KCNQ3: variants seen among roughly 807,000 people sequenced by gnomAD.
KCNQ3 encodes the protein potassium voltage-gated channel subfamily KQT member 3.
KCNQ3 carries 30 observed loss-of-function variants against 92.5 expected under a neutral mutation model. The ratio of observed to expected loss-of-function variants is 0.32; its 90% confidence interval spans 0.24 to 0.44. The LOEUF is 0.44. Among genes scored for constraint, KCNQ3 ranks in the 20% least tolerant of loss-of-function variants. The pLI, the probability that KCNQ3 is intolerant of heterozygous loss-of-function variation, is 1.00. For missense variants in KCNQ3, 913 were observed against 1,140.3 expected (o/e 0.80, Z 2.87); for synonymous variants, 450 against 468.8 (o/e 0.96, Z 0.52).
At chr8:132,416,495 C>T (rs1820812117) in intron 1 of KCNQ3, among the ~76,000 whole-genome samples, 1 of 152,076 alleles carries the variant, frequency 6.6e-6, no homozygotes, top group Non-Finnish European at 1.5e-5. Context: ...TGGCGGGCAC[C>T]CATAATCCCA....
At chr8:132,133,157 CAG>C (rs1049895116) in intron 13 of KCNQ3, among the ~76,000 whole-genome samples, 3 of 152,084 alleles carry the variant, frequency 2.0e-5, no homozygotes, top group Admixed American at 1.3e-4. Context: ...TTTCTGGAAA[CAG>C]AGGATCTGCA....
chr8:132,206,820 T>A (rs1021558611), intron 1 of KCNQ3, among the ~76,000 whole-genome samples: 16 of 152,218 alleles, frequency 1.1e-4, no homozygotes, highest in Admixed American at 9.2e-4. Flanking sequence ...TTTGTGTTAT[T>A]TTTTCATTTC....
chr8:132,328,912 G>T (rs898479330), intron 1 of KCNQ3, among the ~76,000 whole-genome samples: 2 of 152,012 alleles, frequency 1.3e-5, no homozygotes, highest in Non-Finnish European at 2.9e-5. Context: ...GTATTCTCAG[G>T]CCCAGGCCAC....
intron 1 of KCNQ3, among the ~76,000 whole-genome samples, chr8:132,314,578 A>G (rs1391844764): frequency 6.6e-6 from 1 of 152,214 alleles, no homozygotes; most frequent in East Asian, 1.9e-4. Context: ...CAAAAACAAT[A>G]AGGTCAAAAA....
In KCNQ3 at chr8:132,129,883, T is replaced by G; in HGVS notation, c.1998A>C (p.Pro666=). The change falls in exon 15 of 15, where the codon CCA becomes CCC. Residue 666 remains proline (P), a synonymous_variant. Transcript: ENST00000388996. The surrounding 1 kb of genome is among the most constrained non-coding windows in gnomAD (Gnocchi z 5.9). ...EYYPTKGTSS[P]AEAEKKEDNR... ...TGTCCTCCTTCTTCTCTGCTTCAGCTGGCGAGGAGGTGCCCTTGGTTGGGT... is the reference window on the plus strand; with the variant it reads ...TGTCCTCCTTCTTCTCTGCTTCAGCGGGCGAGGAGGTGCCCTTGGTTGGGT... The G allele has an allele frequency of 1.2e-6, 2 of 1,614,160 alleles. No homozygotes were observed. The highest frequency in any genetic ancestry group is 8.5e-7 in the Non-Finnish European group (1 of 1,180,020).
intron 1 of KCNQ3, among the ~76,000 whole-genome samples, chr8:132,237,439 T>G (rs1814853748): frequency 6.6e-6 from 1 of 152,200 alleles, no homozygotes; most frequent in Non-Finnish European, 1.5e-5. Context: ...TGAAGATATT[T>G]AGGAACAGAC....
intron 11 of KCNQ3, among the ~76,000 whole-genome samples, chr8:132,138,920 C>G (rs768458170): frequency 6.6e-6 from 1 of 152,194 alleles, no homozygotes; most frequent in Non-Finnish European, 1.5e-5. Context: ...TAAGCCTTCT[C>G]TTTACATAGT....
intron 1 of KCNQ3, among the ~76,000 whole-genome samples, chr8:132,369,573 GCACACACACACACA>G (rs3049658): frequency 0.087 from 12,886 of 148,208 alleles, 773 homozygotes; most frequent in Admixed American, 0.18. Flanking sequence ...TGCTCAAACA[GCACACACACACACA>G]CACACACACA....
intron 1 of KCNQ3, among the ~76,000 whole-genome samples, chr8:132,395,733 C>T (rs1009827609): frequency 2.6e-5 from 4 of 152,192 alleles, no homozygotes; most frequent in Admixed American, 2.6e-4. Flanking sequence ...TTATTTATTC[C>T]TTTTGAAACC....
At chr8:132,153,673 G>A (rs1375941374) in intron 9 of KCNQ3, among the ~76,000 whole-genome samples, 1 of 152,058 alleles carries the variant, frequency 6.6e-6, no homozygotes, top group Non-Finnish European at 1.5e-5. Context: ...GTAATTCAAG[G>A]CTGTTGACAG....
chr8:132,277,514 G>A (rs1336329036), intron 1 of KCNQ3, among the ~76,000 whole-genome samples: 1 of 152,198 alleles, frequency 6.6e-6, no homozygotes, highest in Non-Finnish European at 1.5e-5. Flanking sequence ...TCAATCTGAA[G>A]GAGGCCTCAG....
rs148412172 is a variant in KCNQ3 at position 132,347,744 on chromosome 8, G to A, written c.386+132403C>T. 5.3e-3 allele frequency among the ~76,000 whole-genome samples: 805 copies of A among 152,244 alleles called. 7 individuals are homozygous for A. The highest frequency in any genetic ancestry group is 0.018 in the African/African-American group (755 of 41,554). ...TGTAATCCCAGCATTTTGGGAGGCC[G>A]AGGCGGGCAGATCACGAGGTCAGGA... On this transcript the variant is annotated intron_variant, in intron 1 of 14. Transcript: ENST00000388996.
At position 132,337,665 on chromosome 8, in the gene KCNQ3, A is replaced by AC. The variant is rs142339032; in HGVS notation, c.386+142481dup. 6.7e-3 allele frequency among the ~76,000 whole-genome samples: 1,011 copies of AC among 151,818 alleles called. 13 individuals are homozygous for AC. The highest frequency in any genetic ancestry group is 0.023 in the African/African-American group (962 of 41,384). On this transcript the variant is annotated intron_variant, in intron 1 of 14. Transcript: ENST00000388996. ...TTCACAGGTATAAAAGACTCCTCAG[A>AC]CCCCCCAGACCTGCCGACCTTGCAG...
At chr8:132,460,212 G>C (rs997239887) in intron 1 of KCNQ3, among the ~76,000 whole-genome samples, 5 of 152,154 alleles carry the variant, frequency 3.3e-5, no homozygotes, top group African/African-American at 4.8e-5. Context: ...CTGGATGCCA[G>C]GTGTGCTCAC....
intron 1 of KCNQ3, among the ~76,000 whole-genome samples, chr8:132,443,377 CTTCT>C (rs71306383): frequency 0.36 from 53,909 of 151,724 alleles, 9,697 homozygotes; most frequent in Non-Finnish European, 0.39. Flanking sequence ...CAGAAAATTG[CTTCT>C]TTAATTGGGT....
intron 1 of KCNQ3, among the ~76,000 whole-genome samples, chr8:132,448,821 T>C (rs1490453116): frequency 2.0e-5 from 3 of 152,222 alleles, no homozygotes; most frequent in African/African-American, 7.2e-5. Context: ...CTTTTTTCCC[T>C]CTCAAATTCT....
At chr8:132,167,565 A>G (rs866390616) in intron 8 of KCNQ3, among the ~76,000 whole-genome samples, 2 of 152,232 alleles carry the variant, frequency 1.3e-5, no homozygotes, top group Non-Finnish European at 2.9e-5. Flanking sequence ...TGCCATTAAC[A>G]TACAGAGTGG....
intron 1 of KCNQ3, among the ~76,000 whole-genome samples, chr8:132,368,101 G>C (rs1819373806): frequency 6.6e-6 from 1 of 152,188 alleles, no homozygotes; most frequent in Non-Finnish European, 1.5e-5. Flanking sequence ...TAAGTTCTCA[G>C]TTCTTGGAAA....
chr8:132,434,225 A>AATAAT (rs1554657030), intron 1 of KCNQ3, among the ~76,000 whole-genome samples: 3 of 136,762 alleles, frequency 2.2e-5, no homozygotes, highest in Non-Finnish European at 4.7e-5. Flanking sequence ...AAAAAAAAAA[A>AATAAT]AATAATAATA....
Sources: gnomAD v4.1 joint callset for allele counts (sites outside exome capture counted in the v4.1 genomes callset) on GRCh38, gnomAD v4.1.1 for gene constraint, Gnocchi (gnomAD v3.1) non-coding constraint, MANE v1.5 for transcripts, NCBI Gene and HGNC (gene_info 2026-07-23, HGNC 2026-07-21) for gene names.